SGCZ: variants seen among roughly 807,000 people sequenced by gnomAD.
SGCZ encodes zeta-sarcoglycan.
In SGCZ, 40 loss-of-function variants were observed where a neutral mutation model predicts 41.3. The ratio of observed to expected loss-of-function variants is 0.97; its 90% CI spans 0.75 to 1.26. The LOEUF (loss-of-function observed/expected upper bound fraction) is 1.26. Among genes scored for constraint, SGCZ ranks in the 50% most tolerant of loss-of-function variants. SGCZ has a pLI of 0.00. For synonymous variants in SGCZ, 206 were observed against 137.5 expected, an observed-to-expected ratio of 1.50 and a Z score of -3.49; for missense variants, 552 against 369.8, an observed-to-expected ratio of 1.49 and a Z score of -4.04.
intron 2 of SGCZ, among the ~76,000 whole-genome samples, chr8:14,487,391 G>A (rs182952899): frequency 1.5e-3 from 222 of 150,218 alleles, no homozygotes; most frequent in African/African-American, 5.1e-3. Flanking sequence ...GACAAATGAT[G>A]TATGGCAAAG....
At chr8:14,771,774 C>A (rs1175317341) in intron 1 of SGCZ, among the ~76,000 whole-genome samples, 1 of 151,926 alleles carries the variant, frequency 6.6e-6, no homozygotes, top group East Asian at 1.9e-4. Context: ...GTAAGACTGT[C>A]AGTATTTCAA....
At chr8:14,147,512 T>G (rs1176713228) in intron 5 of SGCZ, among the ~76,000 whole-genome samples, 1 of 152,254 alleles carries the variant, frequency 6.6e-6, no homozygotes, top group East Asian at 1.9e-4. Context: ...AGCAAGAGGA[T>G]ATAACAATTT....
intron 1 of SGCZ, among the ~76,000 whole-genome samples, chr8:14,714,678 A>G (rs1206922659): frequency 6.6e-6 from 1 of 152,206 alleles, no homozygotes; most frequent in Non-Finnish European, 1.5e-5. Context: ...GAGAAAACTG[A>G]TCAAAAGATA....
intron 1 of SGCZ, among the ~76,000 whole-genome samples, chr8:15,158,985 G>A (rs1057325248): frequency 6.6e-6 from 1 of 152,174 alleles, no homozygotes; most frequent in Non-Finnish European, 1.5e-5. Flanking sequence ...CAAAGTGATG[G>A]TTTTTGTCTG....
chr8:15,040,935 AG>A (rs1804072001), intron 1 of SGCZ, among the ~76,000 whole-genome samples: 1 of 152,158 alleles, frequency 6.6e-6, no homozygotes, highest in African/African-American at 2.4e-5. Context: ...ATTAGATAAA[AG>A]GTAAAAAAGT....
intron 1 of SGCZ, among the ~76,000 whole-genome samples, chr8:15,142,616 G>C (rs1271365711): frequency 2.0e-5 from 3 of 151,756 alleles, no homozygotes; most frequent in Non-Finnish European, 4.4e-5. Flanking sequence ...AAGTAACAAT[G>C]ATGACTTCCC....
At chr8:14,709,604 T>C (rs1375390724) in intron 1 of SGCZ, among the ~76,000 whole-genome samples, 2 of 152,040 alleles carry the variant, frequency 1.3e-5, no homozygotes, top group Non-Finnish European at 2.9e-5. Context: ...TTAAAATAAA[T>C]TTTCACAGTG....
At chr8:14,302,713 C>A (rs1188071027) in intron 3 of SGCZ, among the ~76,000 whole-genome samples, 1 of 152,142 alleles carries the variant, frequency 6.6e-6, no homozygotes, top group East Asian at 1.9e-4. Context: ...CTTCACCTGT[C>A]CAAACTAATA....
Position 14,602,889 on chromosome 8 carries a change from T to C in SGCZ, c.40-47963A>G, listed in dbSNP as rs114876513. 4.6e-3 allele frequency among the ~76,000 whole-genome samples: 704 copies of C among 152,188 alleles called. 7 individuals are homozygous for C. Among genetic ancestry groups the C allele is most frequent in the African/African-American group, 0.016 (678 of 41,504 alleles). On this transcript the variant is annotated intron_variant, in intron 1 of 7. Transcript: ENST00000382080. ...TTAGGGAATCAGAGTGTAAAGGAAG[T>C]AACACTATCAACTAAGGAAATGGAG...
Position 14,913,195 on chromosome 8 carries a change from A to G in SGCZ, c.39+324390T>C, listed in dbSNP as rs144557699. 7.2e-5 allele frequency among the ~76,000 whole-genome samples: 11 copies of G among 152,192 alleles called. No individual in the cohort carries two copies. The East Asian group carries it at 2.1e-3, about 29-fold the overall frequency. ...CCTAATTATTCAGCATATCCTTAGA[A>G]TTTTGATATTAACATAACATTCAAA... is the stretch of plus-strand genomic sequence containing the variant. On this transcript the variant is annotated intron_variant, in intron 1 of 7. Transcript: ENST00000382080.
chr8:14,748,417 G>T (rs1303952837), intron 1 of SGCZ, among the ~76,000 whole-genome samples: 1 of 152,080 alleles, frequency 6.6e-6, no homozygotes, highest in Non-Finnish European at 1.5e-5. Context: ...TATCCTTTAG[G>T]TTGTAATAAA....
At chr8:14,940,505 A>C (rs1800235787) in intron 1 of SGCZ, among the ~76,000 whole-genome samples, 1 of 152,164 alleles carries the variant, frequency 6.6e-6, no homozygotes, top group African/African-American at 2.4e-5. Context: ...AGTAAAATAT[A>C]TGTGTGTGTA....
At chr8:14,690,289 A>G (rs1462808723) in intron 1 of SGCZ, 2 of 151,980 alleles carry the variant, frequency 1.3e-5, no homozygotes, top group East Asian at 1.9e-4. Flanking sequence ...TAGTTCCACA[A>G]TTTCAAAAGT....
chr8:15,031,626 A>G (rs990811093), intron 1 of SGCZ, among the ~76,000 whole-genome samples: 2 of 152,146 alleles, frequency 1.3e-5, no homozygotes, highest in African/African-American at 2.4e-5. Context: ...GGCTTCCCAC[A>G]CTGGCAGTCA....
At chr8:15,112,194 C>G (rs189531906) in intron 1 of SGCZ, among the ~76,000 whole-genome samples, 27 of 152,320 alleles carry the variant, frequency 1.8e-4, no homozygotes, top group Non-Finnish European at 3.4e-4. Context: ...ATAGTTGAAA[C>G]CTAACATAAA....
intron 1 of SGCZ, among the ~76,000 whole-genome samples, chr8:15,070,343 G>A (rs1241138719): frequency 2.0e-5 from 3 of 152,066 alleles, no homozygotes; most frequent in Non-Finnish European, 4.4e-5. Context: ...AAAAGCAACT[G>A]GAAAATTTAT....
At chr8:15,068,095 G>T (rs757271495) in intron 1 of SGCZ, among the ~76,000 whole-genome samples, 19 of 152,136 alleles carry the variant, frequency 1.2e-4, no homozygotes, top group Non-Finnish European at 2.4e-4. Flanking sequence ...GCCACTAGAG[G>T]TCTGAACAGA....
chr8:15,061,189 G>A (rs1387742822), intron 1 of SGCZ, among the ~76,000 whole-genome samples: 1 of 152,120 alleles, frequency 6.6e-6, no homozygotes, highest in East Asian at 1.9e-4. Context: ...TAAGAGGGGG[G>A]AACATTTCAG....
intron 3 of SGCZ, among the ~76,000 whole-genome samples, chr8:14,301,849 A>G (rs1031578845): frequency 1.3e-5 from 2 of 152,172 alleles, no homozygotes; most frequent in Middle Eastern, 3.2e-3. Flanking sequence ...TCTTTTAGAA[A>G]ATGGGGATTT....
Sources: allele counts gnomAD v4.1 joint callset (sites outside exome capture counted in the v4.1 genomes callset), GRCh38; gene constraint gnomAD v4.1.1; transcripts MANE v1.5; gene names NCBI Gene and HGNC (gene_info 2026-07-23, HGNC 2026-07-21).